CD59: variants seen among roughly 807,000 people sequenced by gnomAD.
CD59 encodes the protein CD59 molecule (CD59 blood group).
In CD59, 3 loss-of-function variants were observed where a neutral mutation model predicts 7.0. That is an observed-to-expected ratio of 0.43 (90% CI 0.19 to 1.10). The LOEUF is 1.10. CD59 is among the 50% of genes least tolerant of loss of function. The probability of loss-of-function intolerance (pLI) is 0.29; values close to 1 mark genes in which losing one functional copy is unlikely to be tolerated. For synonymous variants in CD59, 60 were observed against 62.0 expected (o/e 0.97, Z 0.15); for missense variants, 143 against 151.0 (o/e 0.95, Z 0.28).
At position 33,724,621 on chromosome 11, in the gene CD59, G is replaced by T. The variant is rs528835847; in HGVS notation, c.-18-2158C>A. On this transcript the variant is annotated intron_variant, in intron 1 of 3. Transcript: ENST00000642928. ...GAAATTGTGTGGGGAGGGAGTGTTGGGGGGTGAACGGTGGGAAGGCAGACA... is the reference window on the plus strand; with the variant it reads ...GAAATTGTGTGGGGAGGGAGTGTTGTGGGGTGAACGGTGGGAAGGCAGACA... 4.1e-4 allele frequency among the ~76,000 whole-genome samples: 63 copies of T among 152,252 alleles called. 1 individual carries two copies. In the South Asian group the frequency reaches 6.8e-3, roughly 17 times the overall value.
At chr11:33,721,703 T>C (rs1027281966) in intron 2 of CD59, among the ~76,000 whole-genome samples, 3 of 152,168 alleles carry the variant, frequency 2.0e-5, no homozygotes, top group Admixed American at 6.5e-5. Context: ...CAGTGACAGA[T>C]GGCCTGGAGC....
rs1208139692 is a variant in CD59, at chr11:33,707,605, T to C, written c.*2521A>G. 1.3e-5 allele frequency: 2 copies of C among 152,274 alleles called. No homozygotes were observed. Among genetic ancestry groups the C allele is most frequent in the African/African-American group, 4.8e-5 (2 of 41,466 alleles). The allele number at this position is 152,274 out of a possible 1,614,324, so 9.4% of individuals were successfully genotyped here. On this transcript the variant is annotated 3_prime_UTR_variant, in exon 4 of 4. Transcript: ENST00000642928. ...CAGATGAGTGGAGGGCACAGGGTATTGGCTCTCGAGCAGAGAGCCAGTAGG... is the reference window on the plus strand; with the variant it reads ...CAGATGAGTGGAGGGCACAGGGTATCGGCTCTCGAGCAGAGAGCCAGTAGG...
rs1184584047 is a variant in CD59, at chr11:33,711,509, C to CAAAAATA, written c.170-1173_170-1167dup. 1.3e-4 allele frequency: 82 copies of CAAAAATA among 650,142 alleles called. 1 individual carries two copies. The East Asian group carries it at 2.2e-3, about 17-fold the overall frequency. The allele number at this position is 650,142 out of a possible 1,614,324, so 40.3% of individuals were successfully genotyped here. A position where few individuals can be genotyped will look rare whatever the true frequency, so the allele number is the denominator to read the frequency against. The stretch of plus-strand genomic sequence containing the variant: ...GCAACATAGTGATATCCCAACTCTA[C>CAAAAATA]AAAAATAAAAAATAAAAAAATTAGC... On this transcript the variant is annotated intron_variant, in intron 3 of 3. Transcript: ENST00000642928.
intron 1 of CD59, among the ~76,000 whole-genome samples, chr11:33,735,357 C>T (rs554844894): frequency 1.7e-4 from 26 of 152,316 alleles, no homozygotes; most frequent in African/African-American, 5.8e-4. Context: ...CCAGAAATGA[C>T]CAGTGAAGAG....
At chr11:33,711,267 G>C in intron 3 of CD59, 1 of 603,976 alleles carries the variant, frequency 1.7e-6, no homozygotes, top group Non-Finnish European at 2.9e-6. Flanking sequence ...GGAAGTTTCA[G>C]ACCAGCCTGG....
At chr11:33,714,119 G>A (rs1853680127) in intron 3 of CD59, among the ~76,000 whole-genome samples, 1 of 152,198 alleles carries the variant, frequency 6.6e-6, no homozygotes, top group Non-Finnish European at 1.5e-5. Flanking sequence ...GGTTGAATTA[G>A]CAGCCAACCT....
rs964756054 is a variant in CD59, at chr11:33,708,068, C to T, written c.*2058G>A. ...AGTTGGCACTAATTTTCTATTGCCA[C>T]AGCCCTCTCCAGCCAGGAGGGCCTG... On this transcript the variant is annotated 3_prime_UTR_variant, in exon 4 of 4. Coordinates refer to ENST00000642928, the MANE Select transcript of CD59 (RefSeq NM_000611.6). 6.6e-6 allele frequency: 1 copy of T among 152,240 alleles called. No homozygotes were observed. Among genetic ancestry groups the T allele is most frequent in the African/African-American group, 2.4e-5 (1 of 41,446 alleles). 9.4% of individuals were successfully genotyped at this position (152,240 alleles called of 1,614,324 possible).
chr11:33,729,485 G>A (rs1045761038), intron 1 of CD59, among the ~76,000 whole-genome samples: 1 of 152,088 alleles, frequency 6.6e-6, no homozygotes, highest in Non-Finnish European at 1.5e-5. Context: ...CATGGACACA[G>A]GGAGGGGAAC....
At position 33,710,016 on chromosome 11, in the gene CD59, C is replaced by A. The variant is rs1853468245; in HGVS notation, c.*110G>T. ...CCAGGTTGCTCAAGCTAATTTTATT[C>A]TTTCCCAACAGGATCCATTTGGAAA... On this transcript the variant is annotated 3_prime_UTR_variant, in exon 4 of 4. Transcript: ENST00000642928. The A allele has an allele frequency of 5.4e-6, 5 of 921,504 alleles. No individual in the cohort carries two copies. The highest frequency in any genetic ancestry group is 1.4e-5 in the South Asian group (1 of 71,192). The allele number at this position is 921,504 out of a possible 1,614,324, so 57.1% of individuals were successfully genotyped here.
intron 3 of CD59, among the ~76,000 whole-genome samples, chr11:33,711,055 G>C (rs979134348): frequency 1.3e-3 from 93 of 71,422 alleles, no homozygotes; most frequent in African/African-American, 4.7e-3. Flanking sequence ...ATAAAGGTGG[G>C]GGGGGGGCAG....
At chr11:33,729,412 C>G (rs1854348931) in intron 1 of CD59, among the ~76,000 whole-genome samples, 2 of 151,028 alleles carry the variant, frequency 1.3e-5, no homozygotes, top group African/African-American at 2.4e-5. Context: ...CAAAGTAACA[C>G]AAGAAGAGAA....
At chr11:33,718,930 C>T (rs936457170) in intron 2 of CD59, 13 of 152,214 alleles carry the variant, frequency 8.5e-5, no homozygotes, top group African/African-American at 3.1e-4. Context: ...CCTTTTCCAT[C>T]ATCAGAGATA....
At chr11:33,721,666 A>G (rs1854069328) in intron 2 of CD59, among the ~76,000 whole-genome samples, 1 of 151,812 alleles carries the variant, frequency 6.6e-6, no homozygotes, top group South Asian at 2.1e-4. Context: ...CAACCAGGGG[A>G]GGGGTGGCTG....
chr11:33,715,517 T>C (rs1204324462), intron 3 of CD59, among the ~76,000 whole-genome samples: 1 of 152,146 alleles, frequency 6.6e-6, no homozygotes, highest in African/African-American at 2.4e-5. Flanking sequence ...TGAGAATCAC[T>C]TGAACCCTGG....
chr11:33,733,743 C>G (rs3181274), intron 1 of CD59: 1 of 152,034 alleles, frequency 6.6e-6, no homozygotes, highest in African/African-American at 2.4e-5. Context: ...AGTGGGGAGA[C>G]GGGAGACTTC....
intron 1 of CD59, 58 bp from the exon 2 acceptor site, chr11:33,722,521 C>A: frequency 6.2e-7 from 1 of 1,602,346 alleles, no homozygotes; most frequent in African/African-American, 1.3e-5. Context: ...CTGGTTGTCT[C>A]AAAAACCAAG....
chr11:33,726,112 G>A (rs1393870187), intron 1 of CD59, among the ~76,000 whole-genome samples: 2 of 152,144 alleles, frequency 1.3e-5, no homozygotes, highest in Non-Finnish European at 2.9e-5. Context: ...GTCAATATTA[G>A]ACAGATCAAA....
intron 1 of CD59, among the ~76,000 whole-genome samples, chr11:33,731,731 A>C (rs1854423448): frequency 6.6e-6 from 1 of 152,188 alleles, no homozygotes; most frequent in South Asian, 2.1e-4. Context: ...TGGGTTGGAA[A>C]TGTTTCTTCC....
intron 1 of CD59, among the ~76,000 whole-genome samples, chr11:33,731,030 C>A (rs1423409620): frequency 6.6e-6 from 1 of 152,150 alleles, no homozygotes; most frequent in Non-Finnish European, 1.5e-5. Context: ...TTTTCTCTAG[C>A]TTACTTTATC....
Sources: gnomAD v4.1 joint callset for allele counts (sites outside exome capture counted in the v4.1 genomes callset) on GRCh38, gnomAD v4.1.1 for gene constraint, MANE v1.5 for transcripts, NCBI Gene and HGNC (gene_info 2026-07-23, HGNC 2026-07-21) for gene names.